Variants in B3GNT3 observed in about 807,000 individuals in gnomAD.
B3GNT3 encodes N-acetyllactosaminide beta-1,3-N-acetylglucosaminyltransferase 3.
A neutral mutation model predicts 11.6 loss-of-function variants in B3GNT3; 7 were observed. The ratio of observed to expected loss-of-function variants is 0.60; its 90% CI spans 0.34 to 1.13. The LOEUF is 1.13. Among genes scored for constraint, B3GNT3 ranks in the 50% most tolerant of loss-of-function variants. B3GNT3 has a pLI of 0.03. For synonymous variants in B3GNT3, 201 were observed against 222.1 expected (o/e 0.90, Z 0.85); for missense variants, 400 against 507.4 (o/e 0.79, Z 2.03).
intron 1 of B3GNT3, among the ~76,000 whole-genome samples, chr19:17,798,532 A>G (rs2094162073): frequency 6.6e-6 from 1 of 152,114 alleles, no homozygotes; most frequent in South Asian, 2.1e-4. Context: ...TTAGCTGGGC[A>G]TGGTAACGCA....
intron 1 of B3GNT3, among the ~76,000 whole-genome samples, chr19:17,801,467 C>T (rs2094166081): frequency 6.6e-6 from 1 of 150,700 alleles, no homozygotes; most frequent in African/African-American, 2.4e-5. Flanking sequence ...CAGGTACAAG[C>T]CACCATACCC....
chr19:17,809,172 A>G (rs540183953), intron 2 of B3GNT3, among the ~76,000 whole-genome samples: 22 of 151,936 alleles, frequency 1.4e-4, no homozygotes, highest in Non-Finnish European at 2.5e-4. Flanking sequence ...CTGTCTCCCC[A>G]TGAGGCTGGG....
At chr19:17,808,430 C>A (rs1048343936) in intron 2 of B3GNT3, 56 bp downstream of exon 2, 10 of 1,517,918 alleles carry the variant, frequency 6.6e-6, no homozygotes, top group Non-Finnish European at 8.9e-6. Flanking sequence ...GTCCAAATTA[C>A]CACCCACTCC....
In B3GNT3 at chr19:17,812,223, A is replaced by T; in HGVS notation, c.*101A>T. 7.6e-7 allele frequency: 1 copy of T among 1,319,844 alleles called. No homozygotes were observed. Among genetic ancestry groups the T allele is most frequent in the Admixed American group, 2.8e-5 (1 of 35,604 alleles). The allele number at this position is 1,319,844 out of a possible 1,614,324, so 81.8% of individuals were successfully genotyped here. On this transcript the variant is annotated 3_prime_UTR_variant, in exon 3 of 3. Coordinates refer to ENST00000318683, the MANE Select transcript of B3GNT3 (RefSeq NM_014256.4). ...GACCTTTGTGGTCTGAGCATAAGGG[A>T]GTGCCAGGGAAGGTTTGAGGTTTGA...
intron 1 of B3GNT3, among the ~76,000 whole-genome samples, chr19:17,800,647 CTGTT>C (rs1368538567): frequency 2.0e-5 from 3 of 152,096 alleles, no homozygotes; most frequent in African/African-American, 7.2e-5. Context: ...TATCTGAAGA[CTGTT>C]TGTGGCTTGT....
At chr19:17,800,908 C>T (rs2094165343) in intron 1 of B3GNT3, among the ~76,000 whole-genome samples, 1 of 151,778 alleles carries the variant, frequency 6.6e-6, no homozygotes, top group African/African-American at 2.4e-5. Flanking sequence ...GTGCAACCTC[C>T]AGGTTGCAGT....
intron 1 of B3GNT3, among the ~76,000 whole-genome samples, chr19:17,805,106 A>ATTTTT (rs60752281): frequency 4.5e-5 from 6 of 132,044 alleles, no homozygotes; most frequent in African/African-American, 8.5e-5. Flanking sequence ...GACCACAGGG[A>ATTTTT]TTTTTTTTTT....
At chr19:17,803,927 C>T (rs1434422023) in intron 1 of B3GNT3, among the ~76,000 whole-genome samples, 1 of 151,950 alleles carries the variant, frequency 6.6e-6, no homozygotes, top group East Asian at 1.9e-4. Context: ...TTTGGGAAGC[C>T]AAGGCAAGAG....
rs572741332 is a variant in B3GNT3, at chr19:17,801,821, C to T, written c.-50-5937C>T. ...AATTTTTTTTGGCTGGGCATGGTGG[C>T]TCACGCCTGTAATCCCAACACTTTG... On this transcript the variant is annotated intron_variant, in intron 1 of 2. Transcript: ENST00000318683. 4.6e-5 allele frequency among the ~76,000 whole-genome samples: 7 copies of T among 152,220 alleles called. No individual in the cohort carries two copies. The South Asian group carries it at 1.0e-3, about 23-fold the overall frequency.
At chr19:17,803,053 T>C (rs1221185570) in intron 1 of B3GNT3, among the ~76,000 whole-genome samples, 3 of 151,852 alleles carry the variant, frequency 2.0e-5, no homozygotes, top group Non-Finnish European at 4.4e-5. Context: ...TTGCCCAGGC[T>C]GGCGTGCAGT....
At position 17,811,548 on chromosome 19, in the gene B3GNT3, T is replaced by A; in HGVS notation, c.568-23T>A. ...AATTTCTCCAGCCCTCAAGCAAGCA[T>A]GCCCTGTCCACCCTGCCTGCAGGTC... On this transcript the variant is annotated intron_variant, in intron 2 of 2. Transcript: ENST00000318683. This position sits in a 1 kb window ranked among gnomAD's most constrained non-coding sequence, Gnocchi z 4.1. 6.3e-7 allele frequency: 1 copy of A among 1,594,116 alleles called. No individual in the cohort carries two copies. The highest frequency in any genetic ancestry group is 8.6e-7 in the Non-Finnish European group (1 of 1,168,862).
intron 1 of B3GNT3, among the ~76,000 whole-genome samples, chr19:17,799,268 G>C (rs914221461): frequency 7.3e-6 from 1 of 137,150 alleles, no homozygotes; most frequent in African/African-American, 2.9e-5. Flanking sequence ...CACCATTCCA[G>C]CTTTTTTTTT....
In B3GNT3 at chr19:17,802,291, G is replaced by A. The variant is rs115996549; in HGVS notation, c.-50-5467G>A. On this transcript the variant is annotated intron_variant, in intron 1 of 2. Coordinates refer to ENST00000318683, the MANE Select transcript of B3GNT3 (RefSeq NM_014256.4). ...CTGTCTTCTGAGGCAGAACGTGTGC[G>A]GCAGGGGACTGTGGCTGCTGCCTCG... Among the ~76,000 whole-genome samples the A allele has an allele frequency of 6.6e-4, 100 of 152,274 alleles. 1 individual carries two copies. The highest frequency in any genetic ancestry group is 2.2e-3 in the African/African-American group (90 of 41,566).
intron 2 of B3GNT3, among the ~76,000 whole-genome samples, chr19:17,810,810 G>A (rs890970465): frequency 5.3e-5 from 8 of 151,900 alleles, no homozygotes; most frequent in Admixed American, 5.3e-4. Flanking sequence ...GAACCTGAAA[G>A]GCGGAGGTTG....
At chr19:17,805,556 A>C (rs2094172046) in intron 1 of B3GNT3, among the ~76,000 whole-genome samples, 1 of 151,072 alleles carries the variant, frequency 6.6e-6, no homozygotes, top group Non-Finnish European at 1.5e-5. Context: ...CTCCACCATC[A>C]CCTCCTTTCT....
rs1175834598 is a variant in B3GNT3, at chr19:17,808,269, C to T, written c.462C>T (p.His154=). The change falls in exon 2 of 3, where the codon CAC becomes CAT. Residue 154 remains histidine, a synonymous_variant. Transcript: ENST00000318683. Reference sequence around the variant, plus strand: ...TGGTGGGCACAGCCTCCAACCCGCACGAGGCCCGCAAGGTCAACCGGCTGC... The same window carrying T: ...TGGTGGGCACAGCCTCCAACCCGCATGAGGCCCGCAAGGTCAACCGGCTGC... ...LFLVGTASNP[H]EARKVNRLLE... is the part of the protein sequence containing the mutation. 1.3e-5 allele frequency: 21 copies of T among 1,613,462 alleles called. 1 individual carries two copies. Among genetic ancestry groups the T allele is most frequent in the Middle Eastern group, 1.6e-4 (1 of 6,084 alleles).
intron 1 of B3GNT3, among the ~76,000 whole-genome samples, chr19:17,795,651 G>A (rs1000149153): frequency 1.3e-5 from 2 of 152,216 alleles, no homozygotes; most frequent in Non-Finnish European, 2.9e-5. Context: ...CTGCGGTTCC[G>A]GTGCTGCAGG....
chr19:17,797,031 C>T (rs1397651030), intron 1 of B3GNT3, among the ~76,000 whole-genome samples: 1 of 152,102 alleles, frequency 6.6e-6, no homozygotes, highest in Non-Finnish European at 1.5e-5. Flanking sequence ...ATCTCATCAG[C>T]TGGGAGTTAA....
intron 1 of B3GNT3, among the ~76,000 whole-genome samples, chr19:17,800,681 A>G (rs1019052231): frequency 5.9e-5 from 9 of 152,096 alleles, no homozygotes; most frequent in African/African-American, 1.9e-4. Context: ...TCATGATACT[A>G]TTAGGCCGGG....
Sources: allele counts gnomAD v4.1 joint callset (sites outside exome capture counted in the v4.1 genomes callset), GRCh38; gene constraint gnomAD v4.1.1; non-coding constraint Gnocchi (gnomAD v3.1); transcripts MANE v1.5; gene names NCBI Gene and HGNC (gene_info 2026-07-23, HGNC 2026-07-21).